Variants in STOX2 observed in about 807,000 individuals in gnomAD.
The protein encoded by STOX2 is storkhead box 2, also known as storkhead-box protein 2.
STOX2 carries 28 observed loss-of-function variants against 60.9 expected under a neutral mutation model. The observed-to-expected ratio is 0.46, with a 90% confidence interval of 0.34 to 0.63. The LOEUF is 0.63. Ranked by LOEUF, STOX2 falls within the 30% of genes least tolerant of loss-of-function variation. The pLI is 0.01. For synonymous variants in STOX2, 472 were observed against 463.9 expected (o/e 1.02, Z -0.22); for missense variants, 1,024 against 1,187.7 (o/e 0.86, Z 2.03).
intron 1 of STOX2, among the ~76,000 whole-genome samples, chr4:183,877,406 A>G (rs1039571843): frequency 1.3e-5 from 2 of 152,236 alleles, no homozygotes; most frequent in Non-Finnish European, 2.9e-5. Context: ...GGGAAACATG[A>G]ACACCAGCCA....
At chr4:183,937,996 A>G (rs1257250458) in intron 1 of STOX2, among the ~76,000 whole-genome samples, 2 of 151,724 alleles carry the variant, frequency 1.3e-5, no homozygotes, top group African/African-American at 4.9e-5. Flanking sequence ...AAAAAATCAG[A>G]AAATTAGCCA....
intron 1 of STOX2, among the ~76,000 whole-genome samples, chr4:183,953,575 AT>A (rs71951843): frequency 2.8e-5 from 4 of 144,088 alleles, no homozygotes; most frequent in African/African-American, 1.1e-4. Flanking sequence ...ATTATCCCTG[AT>A]TTTTTTTGAG....
chr4:183,810,932 A>G (rs1252146217), intron 1 of STOX2, among the ~76,000 whole-genome samples: 2 of 151,802 alleles, frequency 1.3e-5, no homozygotes, highest in Non-Finnish European at 2.9e-5. Flanking sequence ...GGCTAAACCT[A>G]CCTAATAGAA....
intron 1 of STOX2, among the ~76,000 whole-genome samples, chr4:183,977,848 C>T: frequency 6.6e-6 from 1 of 152,184 alleles, no homozygotes; most frequent in East Asian, 1.9e-4. Context: ...CTCACAACAT[C>T]TGTTGATCAG....
At chr4:183,866,317 C>T (rs1465701514) in intron 1 of STOX2, among the ~76,000 whole-genome samples, 1 of 152,084 alleles carries the variant, frequency 6.6e-6, no homozygotes, top group Non-Finnish European at 1.5e-5. Flanking sequence ...CTTTCTCTCC[C>T]GGTTTCTCTC....
At chr4:183,855,392 T>A (rs1740262436) in intron 1 of STOX2, among the ~76,000 whole-genome samples, 1 of 152,226 alleles carries the variant, frequency 6.6e-6, no homozygotes, top group Non-Finnish European at 1.5e-5. Flanking sequence ...CGTGAGCCTT[T>A]CTGGACTCTT....
intron 1 of STOX2, among the ~76,000 whole-genome samples, chr4:183,827,853 G>A (rs1220947619): frequency 6.7e-6 from 1 of 149,334 alleles, no homozygotes. Flanking sequence ...TTCCAGCCTG[G>A]GTGACAGAAT....
Position 183,946,105 on chromosome 4 carries a change from A to T in STOX2, c.166+39149A>T, listed in dbSNP as rs115095925. Among the ~76,000 whole-genome samples, 1,273 of 152,344 alleles carry T rather than the reference A, an allele frequency of 8.4e-3. 14 individuals are homozygous for T. The highest frequency in any genetic ancestry group is 0.041 in the Middle Eastern group (12 of 294). On this transcript the variant is annotated intron_variant, in intron 1 of 3. Coordinates refer to ENST00000308497, the MANE Select transcript of STOX2 (RefSeq NM_020225.3). ...TAACAGGTCTTGTTCTAAAACAAAT[A>T]AATACGAGACGTCGGCTGAATTCAG...
At chr4:183,960,195 A>G (rs549361827) in intron 1 of STOX2, 5 of 152,314 alleles carry the variant, frequency 3.3e-5, no homozygotes, top group Admixed American at 6.5e-5. Context: ...GCTAGCCACA[A>G]TGTGATTGGT....
chr4:183,802,187 C>T (rs1738779958), intron 1 of STOX2, among the ~76,000 whole-genome samples: 1 of 152,224 alleles, frequency 6.6e-6, no homozygotes, highest in Admixed American at 6.5e-5. Flanking sequence ...ATTTGATCCT[C>T]ACATGTTTAA....
intron 1 of STOX2, among the ~76,000 whole-genome samples, chr4:183,844,854 A>C (rs192502779): frequency 6.6e-6 from 1 of 152,326 alleles, no homozygotes; most frequent in East Asian, 1.9e-4. Flanking sequence ...AAAGTTGACT[A>C]AAACATGGAC....
At chr4:183,927,568 T>C (rs181091113) in intron 1 of STOX2, among the ~76,000 whole-genome samples, 59 of 152,070 alleles carry the variant, frequency 3.9e-4, no homozygotes, top group African/African-American at 1.3e-3. Flanking sequence ...CCCTGACCTA[T>C]AGGAGCTGTT....
intron 1 of STOX2, among the ~76,000 whole-genome samples, chr4:183,802,591 C>T (rs1314145362): frequency 2.0e-5 from 3 of 147,382 alleles, no homozygotes; most frequent in Non-Finnish European, 4.5e-5. Flanking sequence ...GTTGCCAAGG[C>T]TGGTTGTATT....
intron 1 of STOX2, among the ~76,000 whole-genome samples, chr4:183,968,162 A>G (rs1743632160): frequency 6.6e-6 from 1 of 152,152 alleles, no homozygotes; most frequent in Non-Finnish European, 1.5e-5. Context: ...AATCTAATCC[A>G]AGGGTTGTCA....
intron 1 of STOX2, among the ~76,000 whole-genome samples, chr4:183,832,190 A>G (rs1193596846): frequency 6.6e-6 from 1 of 151,314 alleles, no homozygotes; most frequent in Non-Finnish European, 1.5e-5. Context: ...GGGTTTCACC[A>G]TGTTGGCCAG....
At chr4:183,817,795 C>A (rs1296975043) in intron 1 of STOX2, among the ~76,000 whole-genome samples, 1 of 152,082 alleles carries the variant, frequency 6.6e-6, no homozygotes, top group African/African-American at 2.4e-5. Context: ...GAACTCCAAG[C>A]GAGGTTTGGG....
intron 1 of STOX2, among the ~76,000 whole-genome samples, chr4:183,953,523 A>AT (rs1335514276): frequency 6.6e-6 from 1 of 150,902 alleles, no homozygotes; most frequent in Non-Finnish European, 1.5e-5. Flanking sequence ...TTGCTTGAGC[A>AT]TTTTTTCTGT....
In STOX2 at chr4:183,825,497, T is replaced by A. The variant is rs1008018666; in HGVS notation, c.364+27442T>A. On this transcript the variant is annotated intron_variant, in intron 1 of 2. Coordinates refer to the STOX2 transcript ENST00000513034. The surrounding 1 kb of genome is among the most constrained non-coding windows in gnomAD (Gnocchi z 4.1). ...GCACTGGGTGGCAGGCAACCTTCAA[T>A]GGGTGAATAGACGTTCCTTCAGGCC... Among the ~76,000 whole-genome samples the A allele has an allele frequency of 5.3e-5, 8 of 152,214 alleles. No individual in the cohort carries two copies. Among genetic ancestry groups the A allele is most frequent in the Admixed American group, 5.2e-4 (8 of 15,292 alleles).
intron 1 of STOX2, among the ~76,000 whole-genome samples, chr4:183,911,983 A>AT (rs1741794602): frequency 6.6e-6 from 1 of 152,172 alleles, no homozygotes. Context: ...GACATGGGTA[A>AT]TTTTTTAAGT....
Sources: gnomAD v4.1 joint callset for allele counts (sites outside exome capture counted in the v4.1 genomes callset) on GRCh38, gnomAD v4.1.1 for gene constraint, Gnocchi (gnomAD v3.1) non-coding constraint, MANE v1.5 for transcripts, NCBI Gene and HGNC (gene_info 2026-07-23, HGNC 2026-07-21) for gene names.